The following DNASE1 variants were observed in gnomAD, a reference collection of about 807,000 sequenced individuals.
The protein encoded by DNASE1 is deoxyribonuclease 1, also known as deoxyribonuclease-1.
Under a neutral mutation model 33.9 loss-of-function variants are expected in DNASE1, and 40 were observed. The observed-to-expected ratio is 1.18, with a 90% CI of 0.92 to 1.54. DNASE1 has a LOEUF of 1.54. Among genes scored for constraint, DNASE1 ranks in the 40% most tolerant of loss-of-function variants. The pLI, the probability that DNASE1 is intolerant of heterozygous loss-of-function variation, is 0.00. For missense variants in DNASE1, 518 were observed against 372.6 expected, an observed-to-expected ratio of 1.39 and a Z score of -3.21; for synonymous variants, 216 against 160.0, an observed-to-expected ratio of 1.35 and a Z score of -2.64.
At position 3,627,937 on chromosome 16, in the gene DNASE1, CAAAA is replaced by C. The variant is rs55920324; in HGVS notation, c.-1358-12757_-1358-12754del. ...TTTCAGCATGTATTTTCTATTTCTG[CAAAA>C]AAAAAAAAAAAAAAAAAAAAGTCAT... On this transcript the variant is annotated intron_variant and NMD_transcript_variant, in intron 1 of 11. Transcript: ENST00000570769. Among the ~76,000 whole-genome samples, 27 of 80,384 alleles carry C rather than the reference CAAAA, an allele frequency of 3.4e-4. 1 individual carries two copies. The highest frequency in any genetic ancestry group is 1.1e-3 in the East Asian group (3 of 2,770). 52.7% of individuals were successfully genotyped at this position (80,384 alleles called of 152,430 possible).
chr16:3,636,696 C>T (rs181689327), intron 1 of DNASE1, among the ~76,000 whole-genome samples: 37 of 151,654 alleles, frequency 2.4e-4, no homozygotes, highest in African/African-American at 7.0e-4. Flanking sequence ...GGCACACGCC[C>T]GTAATCCCAG....
At chr16:3,621,956 C>T (rs1295797863) in intron 1 of DNASE1, among the ~76,000 whole-genome samples, 2 of 152,182 alleles carry the variant, frequency 1.3e-5, no homozygotes, top group African/African-American at 2.4e-5. Flanking sequence ...CGTGGTGGCT[C>T]ATGCCTGTAA....
At chr16:3,623,042 C>A (rs935217480) in intron 1 of DNASE1, among the ~76,000 whole-genome samples, 9 of 152,046 alleles carry the variant, frequency 5.9e-5, no homozygotes, top group African/African-American at 1.7e-4. Context: ...ACCTGCCCCC[C>A]ACGTCCCCCC....
intron 1 of DNASE1, among the ~76,000 whole-genome samples, chr16:3,613,224 T>A (rs1333799224): frequency 6.6e-6 from 1 of 152,202 alleles, no homozygotes; most frequent in Non-Finnish European, 1.5e-5. Context: ...GTAAATGGGA[T>A]CATGTGATAC....
intron 1 of DNASE1, among the ~76,000 whole-genome samples, chr16:3,630,145 G>C (rs1016857183): frequency 6.6e-6 from 1 of 151,990 alleles, no homozygotes; most frequent in African/African-American, 2.4e-5. Context: ...GTGTGTGTGT[G>C]TGTGTGTGTT....
chr16:3,633,594 G>A (rs534242524), intron 1 of DNASE1, among the ~76,000 whole-genome samples: 28 of 150,122 alleles, frequency 1.9e-4, no homozygotes, highest in Non-Finnish European at 3.8e-4. Context: ...GTTGACAAGA[G>A]CGAGACTCCA....
exon 10 of DNASE1, chr16:3,663,838 C>A: frequency 2.3e-6 from 1 of 442,362 alleles, no homozygotes; most frequent in Non-Finnish European, 4.1e-6. Flanking sequence ...CTTTGGGAGG[C>A]CAAAGCAGGC....
intron 1 of DNASE1, among the ~76,000 whole-genome samples, chr16:3,643,641 A>T (rs958998066): frequency 2.6e-5 from 4 of 152,244 alleles, no homozygotes; most frequent in Non-Finnish European, 5.9e-5. Context: ...GCAACCAGGT[A>T]CACTGGGAAA....
chr16:3,644,750 A>T (rs758135977), intron 1 of DNASE1, among the ~76,000 whole-genome samples: 31 of 151,806 alleles, frequency 2.0e-4, no homozygotes, highest in Non-Finnish European at 4.6e-4. Context: ...AAAAAAAAGA[A>T]ATAAAAAATC....
intron 1 of DNASE1, among the ~76,000 whole-genome samples, chr16:3,636,594 G>A (rs1431486761): frequency 6.6e-6 from 1 of 152,060 alleles, no homozygotes; most frequent in Non-Finnish European, 1.5e-5. Context: ...GGCTGAGCGG[G>A]GAGGATCGCT....
chr16:3,656,218 C>G (rs772425101), intron 4 of DNASE1, 33 bp downstream of exon 4: 14 of 1,606,396 alleles, frequency 8.7e-6, no homozygotes, highest in Non-Finnish European at 6.0e-6. Context: ...AAGCCCCTCC[C>G]TCACCTGGGA....
intron 1 of DNASE1, among the ~76,000 whole-genome samples, chr16:3,619,548 A>T (rs1217281059): frequency 6.6e-6 from 1 of 150,550 alleles, no homozygotes. Flanking sequence ...TTTTTAGTAG[A>T]GACAGGGTTT....
chr16:3,660,875 G>C (rs2043034541), downstream of DNASE1: 2 of 152,120 alleles, frequency 1.3e-5, no homozygotes, highest in Non-Finnish European at 2.9e-5. Flanking sequence ...AGTGAGCTGA[G>C]ATTGCCCCAC....
rs2042504003 is a variant in DNASE1, at chr16:3,655,034, C to T, written c.-12C>T. ...TTCTCGTCATCTCTGAGGACATCAC[C>T]ATCATCTCAGGTGAGCACCAGGTGG... On this transcript the variant is annotated 5_prime_UTR_variant, in exon 1 of 9. Coordinates refer to ENST00000246949, the MANE Select transcript of DNASE1 (RefSeq NM_005223.4). 1 of 557,362 alleles carries T rather than the reference C, an allele frequency of 1.8e-6. No individual in the cohort carries two copies. 34.5% of individuals were successfully genotyped at this position (557,362 alleles called of 1,614,324 possible).
downstream of DNASE1, chr16:3,658,690 CA>C (rs1555460763): frequency 3.4e-6 from 4 of 1,180,708 alleles, no homozygotes; most frequent in Non-Finnish European, 3.6e-6. Flanking sequence ...AACAAACAAA[CA>C]AAAAGACAGG....
chr16:3,629,565 T>A (rs1393522714), intron 1 of DNASE1, among the ~76,000 whole-genome samples: 1 of 152,220 alleles, frequency 6.6e-6, no homozygotes, highest in Non-Finnish European at 1.5e-5. Context: ...TGCCTGGTTC[T>A]GATATGAGGG....
chr16:3,614,033 C>T (rs916435950), intron 1 of DNASE1, among the ~76,000 whole-genome samples: 2 of 151,204 alleles, frequency 1.3e-5, no homozygotes, highest in African/African-American at 4.9e-5. Flanking sequence ...CTGCCGCAGT[C>T]TCCCGAATAC....
At chr16:3,636,226 A>G (rs1238078464) in intron 1 of DNASE1, among the ~76,000 whole-genome samples, 2 of 149,326 alleles carry the variant, frequency 1.3e-5, no homozygotes, top group African/African-American at 5.1e-5. Flanking sequence ...TGAATCCATC[A>G]AAGGCATTCT....
At chr16:3,658,144 G>A, downstream of DNASE1, 2 of 1,614,088 alleles carry the variant, frequency 1.2e-6, no homozygotes, top group Non-Finnish European at 1.7e-6. Context: ...GTCGCTCCAG[G>A]GCCTTGACAA....
Sources: gnomAD v4.1 joint callset for allele counts (sites outside exome capture counted in the v4.1 genomes callset) on GRCh38, gnomAD v4.1.1 for gene constraint, MANE v1.5 for transcripts, NCBI Gene and HGNC (gene_info 2026-07-23, HGNC 2026-07-21) for gene names.